The following INSR variants were observed in gnomAD, a reference collection of about 807,000 sequenced individuals.
The protein encoded by INSR is IR.
A neutral mutation model predicts 142.6 loss-of-function variants in INSR; 67 were observed. That is an observed-to-expected ratio of 0.47 (90% CI 0.39 to 0.58). The LOEUF (loss-of-function observed/expected upper bound fraction) is 0.58. Ranked by LOEUF, INSR falls within the 20% of genes least tolerant of loss-of-function variation. The pLI is 0.00. For synonymous variants in INSR, 756 were observed against 743.1 expected (o/e 1.02, Z -0.28); for missense variants, 1,248 against 1,833.2 (o/e 0.68, Z 5.83).
At position 7,270,339 on chromosome 19, in the gene INSR, TCACACACACACACACACACACACA is replaced by T. The variant is rs1178953100; in HGVS notation, c.101-2467_101-2444del. On this transcript the variant is annotated intron_variant, in intron 1 of 21. Coordinates refer to ENST00000302850, the MANE Select transcript of INSR (RefSeq NM_000208.4). ...ATTTCTCTCTCTCTCTCTCTCTCTCTCACACACACACACACACACACACACACACACACACACACACTGCAGGTA... is the reference window on the plus strand; with the variant it reads ...ATTTCTCTCTCTCTCTCTCTCTCTCTCACACACACACACACACTGCAGGTA... Among the ~76,000 whole-genome samples the T allele has an allele frequency of 3.3e-5, 4 of 120,312 alleles. No individual in the cohort carries two copies. The South Asian group carries it at 1.1e-3, about 33-fold the overall frequency. 78.9% of individuals were successfully genotyped at this position (120,312 alleles called of 152,430 possible).
rs192547538 is a variant in INSR, at chr19:7,180,402, C to A, written c.974+3914G>T. Reference sequence around the variant, plus strand: ...TTTTAGCCAGGTGTGGTGGTGTGTGCCTATATAGTCCCAGCTACTCAGGAG... The same window carrying A: ...TTTTAGCCAGGTGTGGTGGTGTGTGACTATATAGTCCCAGCTACTCAGGAG... On this transcript the variant is annotated intron_variant, in intron 3 of 21. Coordinates refer to ENST00000302850, the MANE Select transcript of INSR (RefSeq NM_000208.4). Among the ~76,000 whole-genome samples the A allele has an allele frequency of 5.3e-3, 810 of 151,700 alleles. 2 individuals are homozygous for A. The highest frequency in any genetic ancestry group is 8.7e-3 in the Non-Finnish European group (592 of 67,908).
intron 2 of INSR, among the ~76,000 whole-genome samples, chr19:7,189,186 A>C (rs202168068): frequency 6.6e-6 from 1 of 152,118 alleles, no homozygotes; most frequent in Non-Finnish European, 1.5e-5. Context: ...ACACACACAC[A>C]AGAGGAAGGG....
At chr19:7,145,439 T>A (rs985058872) in intron 11 of INSR, among the ~76,000 whole-genome samples, 2 of 152,238 alleles carry the variant, frequency 1.3e-5, no homozygotes, top group African/African-American at 2.4e-5. Context: ...TTTTTGCTTA[T>A]TTCTATGTAC....
At position 7,252,170 on chromosome 19, in the gene INSR, G is replaced by A. The variant is rs142249251; in HGVS notation, c.652+15175C>T. ...CACGCCTGTAATCCCAGCACTTTGG[G>A]AGGTCGAGGTGGGTGGATCACTTGA... On this transcript the variant is annotated intron_variant, in intron 2 of 21. Coordinates refer to ENST00000302850, the MANE Select transcript of INSR (RefSeq NM_000208.4). Among the ~76,000 whole-genome samples the A allele has an allele frequency of 7.4e-4, 112 of 152,234 alleles. No individual in the cohort carries two copies. The East Asian group carries it at 0.017, about 23-fold the overall frequency.
At chr19:7,226,031 C>T (rs557221323) in intron 2 of INSR, among the ~76,000 whole-genome samples, 3 of 152,308 alleles carry the variant, frequency 2.0e-5, no homozygotes, top group East Asian at 3.9e-4. Context: ...AAGATGACAA[C>T]GTCTCTGAGT....
chr19:7,196,320 G>T (rs897787121), intron 2 of INSR, among the ~76,000 whole-genome samples: 4 of 151,946 alleles, frequency 2.6e-5, no homozygotes, highest in African/African-American at 9.7e-5. Context: ...AATAGTTCAG[G>T]GGAAAAAAAT....
At chr19:7,248,743 G>A (rs117619095) in intron 2 of INSR, among the ~76,000 whole-genome samples, 2 of 137,948 alleles carry the variant, frequency 1.4e-5, no homozygotes, top group East Asian at 4.3e-4. Context: ...GACTATTCCC[G>A]GTTGGCCAGA....
intron 2 of INSR, among the ~76,000 whole-genome samples, chr19:7,214,193 G>C (rs1975362167): frequency 6.6e-6 from 1 of 152,134 alleles, no homozygotes; most frequent in South Asian, 2.1e-4. Flanking sequence ...AAGTGAACCA[G>C]GTATGAGAAG....
intron 11 of INSR, among the ~76,000 whole-genome samples, chr19:7,146,880 G>A (rs755676354): frequency 2.7e-4 from 41 of 152,142 alleles, no homozygotes; most frequent in African/African-American, 8.7e-4. Flanking sequence ...TTCTTCAGAC[G>A]CTAGTTTTAT....
In INSR at chr19:7,225,548, GT is replaced by G. The variant is rs1975751994; in HGVS notation, c.653-40912del. ...CCTGACTCCCCAGCCCAGCACTTGA[GT>G]AATACATAAACCCACCTTCATTAAA... On this transcript the variant is annotated intron_variant, in intron 2 of 21. Coordinates refer to ENST00000302850, the MANE Select transcript of INSR (RefSeq NM_000208.4). The surrounding 1 kb of genome is among the most constrained non-coding windows in gnomAD (Gnocchi z 4.7). 6.6e-6 allele frequency among the ~76,000 whole-genome samples: 1 copy of G among 152,144 alleles called. No homozygotes were observed. The highest frequency in any genetic ancestry group is 1.5e-5 in the Non-Finnish European group (1 of 68,022).
chr19:7,229,574 A>G (rs77831871), intron 2 of INSR, among the ~76,000 whole-genome samples: 2,707 of 152,236 alleles, frequency 0.018, 84 homozygotes, highest in African/African-American at 0.06. Flanking sequence ...CTCTCCATCA[A>G]TTTATGGACT....
At chr19:7,207,995 G>A (rs1308961298) in intron 2 of INSR, among the ~76,000 whole-genome samples, 2 of 151,692 alleles carry the variant, frequency 1.3e-5, no homozygotes, top group African/African-American at 4.8e-5. Flanking sequence ...GTTACAAGGA[G>A]CTTGGCCTTG....
Position 7,122,802 on chromosome 19 carries a change from C to T in INSR, c.3370-29G>A, listed in dbSNP as rs768800733. 6.2e-6 allele frequency: 10 copies of T among 1,614,138 alleles called. No homozygotes were observed. In the Admixed American group the frequency reaches 1.7e-4, roughly 27 times the overall value. ...AAACAGAAACACGGGGTTGGTGTTT[C>T]AGCAGCACTGGGATCCGAGGAGGCC... On this transcript the variant is annotated intron_variant, in intron 18 of 21. Transcript: ENST00000302850.
chr19:7,234,342 G>A (rs1290118097), intron 2 of INSR, among the ~76,000 whole-genome samples: 2 of 152,026 alleles, frequency 1.3e-5, no homozygotes, highest in Non-Finnish European at 2.9e-5. Context: ...GAGTAGCTGG[G>A]ACTACAGGCA....
intron 2 of INSR, among the ~76,000 whole-genome samples, chr19:7,203,288 C>G (rs1975018059): frequency 6.6e-6 from 1 of 152,118 alleles, no homozygotes; most frequent in East Asian, 1.9e-4. Context: ...TCAAACCATG[C>G]AAAAGCTCTC....
intron 2 of INSR, among the ~76,000 whole-genome samples, chr19:7,249,128 T>C (rs138454267): frequency 8.0e-4 from 122 of 152,288 alleles, no homozygotes; most frequent in African/African-American, 2.5e-3. Context: ...TCCTCTGAAC[T>C]ACATTGACAA....
chr19:7,219,921 A>ATG (rs991746107), intron 2 of INSR, among the ~76,000 whole-genome samples: 1 of 1,078 alleles, frequency 9.3e-4, no homozygotes, highest in African/African-American at 3.1e-3. Context: ...GCAAGGAAAA[A>ATG]TCTCTCTATC....
Position 7,267,723 on chromosome 19 carries a change from G to C in INSR, c.274C>G (p.Arg92Gly). ...TTCAGGCTCTCGAGCCCATAGACCC[G>C]GAAGAGCAGCAAGTAATCAGTGATC... Reference protein sequence around the residue: ...IMITDYLLLFRVYGLESLKDL... With the variant: ...IMITDYLLLFGVYGLESLKDL... Residue 92 changes from arginine (R) to glycine (G), a missense_variant, in exon 2 of 22, where the codon CGG becomes GGG. Arg to Gly is a moderately radical substitution (Grantham distance 125). Coordinates refer to ENST00000302850, the MANE Select transcript of INSR (RefSeq NM_000208.4). This position sits in a 1 kb window ranked among gnomAD's most constrained non-coding sequence, Gnocchi z 6.3. The C allele has an allele frequency of 6.2e-7, 1 of 1,614,132 alleles. No individual in the cohort carries two copies. The highest frequency in any genetic ancestry group is 8.5e-7 in the Non-Finnish European group (1 of 1,180,028).
rs912987393 is a variant in INSR, at chr19:7,205,550, C to T, written c.653-20913G>A. 7.9e-5 allele frequency among the ~76,000 whole-genome samples: 12 copies of T among 152,210 alleles called. No homozygotes were observed. In the South Asian group the frequency reaches 1.9e-3, roughly 24 times the overall value. ...CCTAAGATGGGGACAGTAGGAGGAG[C>T]GTGGAGAAATTCTACATTGTCCAAA... On this transcript the variant is annotated intron_variant, in intron 2 of 21. Transcript: ENST00000302850.
Sources: gnomAD v4.1 joint callset for allele counts (sites outside exome capture counted in the v4.1 genomes callset) on GRCh38, gnomAD v4.1.1 for gene constraint, Gnocchi (gnomAD v3.1) non-coding constraint, MANE v1.5 for transcripts, NCBI Gene and HGNC (gene_info 2026-07-23, HGNC 2026-07-21) for gene names.